Variants in KCNAB1 observed in about 807,000 individuals in gnomAD.
KCNAB1 encodes potassium voltage-gated channel subfamily A regulatory beta subunit 1, also known as voltage-gated potassium channel subunit beta-1.
In KCNAB1, 35 loss-of-function variants were observed where a neutral mutation model predicts 64.6. The ratio of observed to expected loss-of-function variants is 0.54; its 90% CI spans 0.41 to 0.72. The LOEUF is 0.72. Among genes scored for constraint, KCNAB1 ranks in the 30% least tolerant of loss-of-function variants. The pLI, the probability that KCNAB1 is intolerant of heterozygous loss-of-function variation, is 0.00. For synonymous variants in KCNAB1, 177 were observed against 183.8 expected (o/e 0.96, Z 0.30); for missense variants, 401 against 512.9 (o/e 0.78, Z 2.11).
At chr3:156,495,150 G>C (rs775372008) in intron 8 of KCNAB1, among the ~76,000 whole-genome samples, 3 of 152,078 alleles carry the variant, frequency 2.0e-5, no homozygotes, top group Non-Finnish European at 2.9e-5. Context: ...GCATTAGTTT[G>C]CTAGAGATAA....
At chr3:156,386,332 G>A (rs558760688) in intron 1 of KCNAB1, among the ~76,000 whole-genome samples, 17 of 152,276 alleles carry the variant, frequency 1.1e-4, no homozygotes, top group Admixed American at 5.2e-4. Flanking sequence ...GCCATTGACA[G>A]GTGAGCACAC....
chr3:156,504,751 G>GTTTTTTTTTTTTTTT (rs71302274), intron 8 of KCNAB1, among the ~76,000 whole-genome samples: 6 of 132,742 alleles, frequency 4.5e-5, no homozygotes, highest in Non-Finnish European at 8.0e-5. Context: ...TGTTTTTTTT[G>GTTTTTTTTTTTTTTT]TTTTTTTTTT....
At chr3:156,429,168 G>A (rs1052955528) in intron 2 of KCNAB1, among the ~76,000 whole-genome samples, 3 of 152,144 alleles carry the variant, frequency 2.0e-5, no homozygotes, top group Non-Finnish European at 4.4e-5. Context: ...CTGCCCTGAC[G>A]GTTCTGAAGG....
At chr3:156,259,334 G>A (rs1229492606) in intron 1 of KCNAB1, among the ~76,000 whole-genome samples, 1 of 152,116 alleles carries the variant, frequency 6.6e-6, no homozygotes, top group South Asian at 2.1e-4. Flanking sequence ...CTATTAATTA[G>A]GGATATAAAA....
At chr3:156,206,094 C>T (rs1166665880) in intron 1 of KCNAB1, among the ~76,000 whole-genome samples, 3 of 152,174 alleles carry the variant, frequency 2.0e-5, no homozygotes, top group Non-Finnish European at 4.4e-5. Flanking sequence ...TTTGCACTCC[C>T]CAGTTTTTGG....
At chr3:156,327,255 G>A (rs1723024917) in intron 1 of KCNAB1, among the ~76,000 whole-genome samples, 1 of 152,062 alleles carries the variant, frequency 6.6e-6, no homozygotes, top group South Asian at 2.1e-4. Context: ...ACCTTAATCT[G>A]CCCGAAATAG....
chr3:156,145,633 G>GT (rs1212298143), intron 1 of KCNAB1, among the ~76,000 whole-genome samples: 2 of 152,116 alleles, frequency 1.3e-5, no homozygotes, highest in Non-Finnish European at 2.9e-5. Flanking sequence ...GTTAAGCCTT[G>GT]TTTTTTCTAT....
At chr3:156,298,584 C>T (rs868059538) in intron 1 of KCNAB1, among the ~76,000 whole-genome samples, 2 of 152,168 alleles carry the variant, frequency 1.3e-5, no homozygotes, top group South Asian at 2.1e-4. Flanking sequence ...AAATTCCTTT[C>T]ATCAAATTCA....
At chr3:156,278,517 G>A (rs933993363) in intron 1 of KCNAB1, among the ~76,000 whole-genome samples, 1 of 152,142 alleles carries the variant, frequency 6.6e-6, no homozygotes, top group Non-Finnish European at 1.5e-5. Context: ...AACATAGCGG[G>A]TGCTCAAAAA....
chr3:156,348,584 A>G, intron 1 of KCNAB1, among the ~76,000 whole-genome samples: 1 of 152,212 alleles, frequency 6.6e-6, no homozygotes, highest in East Asian at 1.9e-4. Flanking sequence ...TTAGACATGT[A>G]AGGTTTGAGA....
At chr3:156,203,772 A>G (rs1273765326) in intron 1 of KCNAB1, among the ~76,000 whole-genome samples, 1 of 152,210 alleles carries the variant, frequency 6.6e-6, no homozygotes, top group Non-Finnish European at 1.5e-5. Flanking sequence ...ATTTTTTCCA[A>G]TCCAGATTCT....
At chr3:156,251,363 T>C (rs1037210484) in intron 1 of KCNAB1, among the ~76,000 whole-genome samples, 4 of 152,122 alleles carry the variant, frequency 2.6e-5, no homozygotes, top group African/African-American at 7.2e-5. Flanking sequence ...TTAACAGAAA[T>C]ATATGAAGGA....
intron 7 of KCNAB1, among the ~76,000 whole-genome samples, chr3:156,466,704 G>A (rs568708415): frequency 7.9e-5 from 12 of 151,992 alleles, no homozygotes; most frequent in African/African-American, 2.9e-4. Context: ...TTGATTCCTG[G>A]TGCATTACTT....
At chr3:156,420,785 T>C (rs1715414270) in intron 1 of KCNAB1, among the ~76,000 whole-genome samples, 1 of 152,136 alleles carries the variant, frequency 6.6e-6, no homozygotes, top group South Asian at 2.1e-4. Flanking sequence ...ATGGGTTGAG[T>C]CTGGATTTCC....
At chr3:156,144,650 C>T (rs756507047) in intron 1 of KCNAB1, among the ~76,000 whole-genome samples, 3 of 152,168 alleles carry the variant, frequency 2.0e-5, no homozygotes, top group Non-Finnish European at 4.4e-5. Context: ...TGTCCCCCCA[C>T]GTTTTCTCTC....
chr3:156,282,288 C>T (rs1719773492), intron 1 of KCNAB1, among the ~76,000 whole-genome samples: 1 of 149,694 alleles, frequency 6.7e-6, no homozygotes, highest in African/African-American at 2.5e-5. Context: ...GAGTGAGATT[C>T]TTAATCCTGA....
intron 1 of KCNAB1, among the ~76,000 whole-genome samples, chr3:156,254,840 C>T (rs1038652618): frequency 1.3e-5 from 2 of 152,218 alleles, no homozygotes; most frequent in African/African-American, 4.8e-5. Context: ...ACATCAAAAT[C>T]TCAAAGCATT....
intron 1 of KCNAB1, among the ~76,000 whole-genome samples, chr3:156,367,947 C>T (rs1034300332): frequency 9.9e-5 from 15 of 152,208 alleles, no homozygotes; most frequent in Non-Finnish European, 2.1e-4. Context: ...GTCCCCTTTC[C>T]TCCTCAAAGC....
rs368972912 is a variant in KCNAB1 at position 156,366,893 on chromosome 3, C to A, written c.276-54723C>A. 3.9e-5 allele frequency among the ~76,000 whole-genome samples: 6 copies of A among 152,222 alleles called. No homozygotes were observed. In the East Asian group the frequency reaches 5.8e-4, roughly 15 times the overall value. On this transcript the variant is annotated intron_variant, in intron 1 of 13. Transcript: ENST00000490337. The stretch of plus-strand genomic sequence containing the variant: ...AGGACTGCTGCATTTAAATTTAAAC[C>A]ACGTAGCTCCCAAGAATAATATTAG...
Sources: gnomAD v4.1 joint callset for allele counts (sites outside exome capture counted in the v4.1 genomes callset) on GRCh38, gnomAD v4.1.1 for gene constraint, MANE v1.5 for transcripts, NCBI Gene and HGNC (gene_info 2026-07-23, HGNC 2026-07-21) for gene names.